XXYLT1: variants seen among roughly 807,000 people sequenced by gnomAD.
XXYLT1 encodes the protein xyloside xylosyltransferase 1.
In XXYLT1, 20 loss-of-function variants were observed where a neutral mutation model predicts 28.9. The ratio of observed to expected loss-of-function variants is 0.69; its 90% CI spans 0.49 to 1.00. The LOEUF is 1.00. Ranked by LOEUF, XXYLT1 falls within the 50% of genes least tolerant of loss-of-function variation. The pLI, the probability that XXYLT1 is intolerant of heterozygous loss-of-function variation, is 0.00. For synonymous variants in XXYLT1, 257 were observed against 253.8 expected, an observed-to-expected ratio of 1.01 and a Z score of -0.12; for missense variants, 542 against 560.1, an observed-to-expected ratio of 0.97 and a Z score of 0.33.
intron 3 of XXYLT1, among the ~76,000 whole-genome samples, chr3:195,100,040 G>A (rs910924223): frequency 8.5e-5 from 13 of 152,090 alleles, no homozygotes; most frequent in African/African-American, 3.1e-4. Context: ...AATATCTATA[G>A]AATAAAGTAG....
Position 195,180,888 on chromosome 3 carries a change from G to C in XXYLT1, c.653-24307C>G, listed in dbSNP as rs1010059234. ...CGCCCAGACCTTTAGCTATACAAAA[G>C]TAAGTGGTATGGTTCATCCCTTCTT... On this transcript the variant is annotated intron_variant, in intron 2 of 3. Transcript: ENST00000310380. The surrounding 1 kb of genome is among the most constrained non-coding windows in gnomAD (Gnocchi z 5.8). 6.6e-6 allele frequency among the ~76,000 whole-genome samples: 1 copy of C among 152,244 alleles called. No homozygotes were observed. The highest frequency in any genetic ancestry group is 1.5e-5 in the Non-Finnish European group (1 of 68,046).
intron 3 of XXYLT1, among the ~76,000 whole-genome samples, chr3:195,131,144 G>A (rs1310512870): frequency 6.6e-6 from 1 of 152,194 alleles, no homozygotes; most frequent in Admixed American, 6.5e-5. Context: ...TTCCCAAGCT[G>A]CTGAGGAAGC....
chr3:195,251,937 G>T (rs760715206), intron 1 of XXYLT1, among the ~76,000 whole-genome samples: 3 of 152,170 alleles, frequency 2.0e-5, no homozygotes, highest in Non-Finnish European at 4.4e-5. Context: ...CACAGTAGTG[G>T]GAGTGACAAA....
intron 1 of XXYLT1, among the ~76,000 whole-genome samples, chr3:195,260,566 C>A (rs901229616): frequency 1.3e-5 from 2 of 152,234 alleles, no homozygotes; most frequent in Admixed American, 6.5e-5. Flanking sequence ...CAGGAGGAGA[C>A]AAGGAGGCGA....
chr3:195,160,650 G>A (rs1316057014), intron 2 of XXYLT1, among the ~76,000 whole-genome samples: 2 of 152,208 alleles, frequency 1.3e-5, no homozygotes, highest in African/African-American at 4.8e-5. Flanking sequence ...CAACTGAAAG[G>A]GGTGGAGACT....
intron 3 of XXYLT1, among the ~76,000 whole-genome samples, chr3:195,111,361 T>C (rs143703298): frequency 3.3e-4 from 50 of 151,936 alleles, no homozygotes; most frequent in African/African-American, 1.2e-3. Flanking sequence ...GAGGGAGTGG[T>C]GGTTAGGGCT....
chr3:195,161,838 A>G (rs1720888900), intron 2 of XXYLT1, among the ~76,000 whole-genome samples: 1 of 151,940 alleles, frequency 6.6e-6, no homozygotes, highest in South Asian at 2.1e-4. Context: ...GGCTGGTCTC[A>G]AACTCCTGAA....
chr3:195,163,176 G>A (rs1720958931), intron 2 of XXYLT1, among the ~76,000 whole-genome samples: 1 of 152,142 alleles, frequency 6.6e-6, no homozygotes, highest in Non-Finnish European at 1.5e-5. Context: ...ATTATCAGGT[G>A]TTTTCTGAAA....
chr3:195,166,324 T>C (rs931860211), intron 2 of XXYLT1, among the ~76,000 whole-genome samples: 10 of 152,230 alleles, frequency 6.6e-5, no homozygotes, highest in African/African-American at 2.2e-4. Context: ...TATTTTAATT[T>C]TAATTAAAGA....
At chr3:195,106,275 C>T (rs1254027907) in intron 3 of XXYLT1, among the ~76,000 whole-genome samples, 1 of 147,088 alleles carries the variant, frequency 6.8e-6, no homozygotes, top group Non-Finnish European at 1.5e-5. Context: ...GAGAGATGCT[C>T]TTGCTGTGTT....
intron 2 of XXYLT1, among the ~76,000 whole-genome samples, chr3:195,196,134 T>C (rs1222769038): frequency 3.9e-5 from 6 of 152,198 alleles, no homozygotes; most frequent in Non-Finnish European, 8.8e-5. Context: ...CACTGTCCAA[T>C]AGAGTAGCTG....
chr3:195,101,823 GGAGGGGAGGGGAGGA>G (rs1560094898), intron 3 of XXYLT1, among the ~76,000 whole-genome samples: 1 of 150,194 alleles, frequency 6.7e-6, no homozygotes, highest in East Asian at 2.0e-4. Flanking sequence ...AGAGGGGAAG[GGAGGGGAGGGGAGGA>G]GAGGGGAGGG....
At chr3:195,134,828 T>G (rs1019286358) in intron 3 of XXYLT1, among the ~76,000 whole-genome samples, 174 of 16,326 alleles carry the variant, frequency 0.011, 1 homozygote, top group African/African-American at 0.037. Context: ...TGAAGAGGGG[T>G]GTGTGTGTGT....
At chr3:195,198,788 C>T (rs1457378767) in intron 2 of XXYLT1, among the ~76,000 whole-genome samples, 3 of 152,142 alleles carry the variant, frequency 2.0e-5, no homozygotes, top group Non-Finnish European at 1.5e-5. Flanking sequence ...TCATGGCACC[C>T]GCAGTTCTTG....
intron 1 of XXYLT1, among the ~76,000 whole-genome samples, chr3:195,236,128 C>T (rs1052390082): frequency 6.6e-6 from 1 of 152,164 alleles, no homozygotes; most frequent in Non-Finnish European, 1.5e-5. Context: ...GGCCCTAGGG[C>T]CCTACAATTA....
At position 195,117,114 on chromosome 3, in the gene XXYLT1, TACACACACAC is replaced by T. The variant is rs10633458; in HGVS notation, c.785+39325_785+39334del. Reference sequence around the variant, plus strand: ...AAACATCCTATATATATATAGTGTATACACACACACACACACACACACACACACATCCCCT... The same window carrying T: ...AAACATCCTATATATATATAGTGTATACACACACACACACACACATCCCCT... On this transcript the variant is annotated intron_variant, in intron 3 of 3. Transcript: ENST00000310380. Among the ~76,000 whole-genome samples the T allele has an allele frequency of 5.4e-3, 800 of 148,698 alleles. 4 individuals are homozygous for T. Among genetic ancestry groups the T allele is most frequent in the African/African-American group, 0.019 (771 of 40,396 alleles).
intron 3 of XXYLT1, among the ~76,000 whole-genome samples, chr3:195,111,659 T>A (rs912606585): frequency 1.3e-5 from 2 of 152,188 alleles, no homozygotes; most frequent in South Asian, 4.1e-4. Context: ...ATACTATCAC[T>A]GGCCCACCCA....
intron 3 of XXYLT1, among the ~76,000 whole-genome samples, chr3:195,113,563 C>A (rs1003247038): frequency 6.6e-6 from 1 of 152,162 alleles, no homozygotes; most frequent in Non-Finnish European, 1.5e-5. Flanking sequence ...GCAGTGTGAA[C>A]CCAGCACTCA....
intron 2 of XXYLT1, among the ~76,000 whole-genome samples, chr3:195,164,869 T>C (rs1445162295): frequency 6.6e-6 from 1 of 152,036 alleles, no homozygotes; most frequent in African/African-American, 2.4e-5. Context: ...GAAGTGCAGT[T>C]TGGTAAACAG....
Sources: allele counts gnomAD v4.1 joint callset (sites outside exome capture counted in the v4.1 genomes callset), GRCh38; gene constraint gnomAD v4.1.1; non-coding constraint Gnocchi (gnomAD v3.1); transcripts MANE v1.5; gene names NCBI Gene and HGNC (gene_info 2026-07-23, HGNC 2026-07-21).